Variants in FEM1A observed in about 807,000 individuals in gnomAD.
The protein encoded by FEM1A is protein fem-1 homolog A.
A neutral mutation model predicts 0.7 loss-of-function variants in FEM1A; 1 was observed. The observed-to-expected ratio is 1.35, with a 90% CI of 0.48 to 6.40. FEM1A has a LOEUF of 6.40. Ranked by LOEUF, FEM1A falls within the 30% of genes most tolerant of loss-of-function variation. The pLI, the probability that FEM1A is intolerant of heterozygous loss-of-function variation, is 0.14. For synonymous variants in FEM1A, 391 were observed against 420.6 expected (o/e 0.93, Z 0.86); for missense variants, 721 against 918.7 (o/e 0.78, Z 2.78).
At position 4,793,222 on chromosome 19, in the gene FEM1A, C is replaced by T; in HGVS notation, c.1368C>T (p.Gly456=). Residue 456 remains glycine, a synonymous_variant, in exon 1 of 1, where the codon GGC becomes GGT. Transcript: ENST00000269856. This position sits in a 1 kb window ranked among gnomAD's most constrained non-coding sequence, Gnocchi z 5.1. The part of the protein sequence containing the change: ...LQDRAAKGSL[G]TQIGFADLMG... ...ACCGGGCCGCCAAAGGCAGCCTGGGCACCCAGATCGGCTTTGCAGACCTCA... is the reference window on the plus strand; with the variant it reads ...ACCGGGCCGCCAAAGGCAGCCTGGGTACCCAGATCGGCTTTGCAGACCTCA... The T allele has an allele frequency of 2.5e-6, 4 of 1,613,460 alleles. No individual in the cohort carries two copies. The highest frequency in any genetic ancestry group is 3.4e-6 in the Non-Finnish European group (4 of 1,180,040).
chr19:4,792,116 TG>T lies in FEM1A; in HGVS notation c.265del (p.Ala89ProfsTer21). 1.3e-6 allele frequency: 2 copies of T among 1,522,578 alleles called. No homozygotes were observed. The highest frequency in any genetic ancestry group is 1.8e-6 in the Non-Finnish European group (2 of 1,141,158). 94.3% of individuals were successfully genotyped at this position (1,522,578 alleles called of 1,614,324 possible). A position where few individuals can be genotyped will look rare whatever the true frequency, so the allele number is the denominator to read the frequency against. ...GACCATCGAGGGCGCGCCGCCGCTG[TG>T]GGCCGCCTCCGCAGCCGGCCACCTG... is the stretch of plus-strand genomic sequence containing the variant. ...GETIEGAPPL[W>X]AASAAGHLDV... On this transcript the variant is annotated frameshift_variant, in exon 1 of 1. Transcript: ENST00000269856. LOFTEE classifies it low-confidence loss of function (END_TRUNC). The surrounding 1 kb of genome is among the most constrained non-coding windows in gnomAD (Gnocchi z 6.7).
Position 4,799,431 on chromosome 19 carries a change from A to C in FEM1A, c.*5567A>C, listed in dbSNP as rs2093565583. On this transcript the variant is annotated 3_prime_UTR_variant, in exon 1 of 1. Coordinates refer to ENST00000269856, the MANE Select transcript of FEM1A (RefSeq NM_018708.3). ...TCTGTCTCAAAACAAAACAAAACAA[A>C]CAAACAAACAAACAAACAAAAAACT... 1 of 154,550 alleles carries C rather than the reference A, an allele frequency of 6.5e-6. No homozygotes were observed. Among genetic ancestry groups the C allele is most frequent in the Admixed American group, 6.5e-5 (1 of 15,432 alleles). 9.6% of individuals were successfully genotyped at this position (154,550 alleles called of 1,614,324 possible).
At position 4,792,331 on chromosome 19, in the gene FEM1A, C is replaced by T. The variant is rs755495956; in HGVS notation, c.477C>T (p.Tyr159=). The change falls in exon 1 of 1, where the codon TAC becomes TAT. Residue 159 remains tyrosine, a synonymous_variant. Coordinates refer to ENST00000269856, the MANE Select transcript of FEM1A (RefSeq NM_018708.3). This position sits in a 1 kb window ranked among gnomAD's most constrained non-coding sequence, Gnocchi z 6.7. ...HGHTCLMISC[Y]KGHREIARYL... ...ACACGTGCCTCATGATCTCGTGCTA[C>T]AAGGGCCACCGTGAGATCGCCCGCT... 14 of 1,593,704 alleles carry T rather than the reference C, an allele frequency of 8.8e-6. No homozygotes were observed. The East Asian group carries it at 1.6e-4, about 18-fold the overall frequency.
rs1392237060 is a variant in FEM1A at position 4,792,874 on chromosome 19, G to C, written c.1020G>C (p.Glu340Asp). Residue 340 changes from glutamate (E) to aspartate (D), a missense_variant, in exon 1 of 1, where the codon GAG becomes GAC. Glu to Asp is a conservative substitution (Grantham distance 45). Coordinates refer to ENST00000269856, the MANE Select transcript of FEM1A (RefSeq NM_018708.3). The surrounding 1 kb of genome is among the most constrained non-coding windows in gnomAD (Gnocchi z 6.7). ...GGGGCGAGTACCTGCCCAAACCGGA[G>C]CCCCCACAGCTGGTCCTGGCCTATG... ...HQGGEYLPKP[E>D]PPQLVLAYDY... is the part of the protein sequence containing the mutation. 6.2e-7 allele frequency: 1 copy of C among 1,612,242 alleles called. No individual in the cohort carries two copies. Among genetic ancestry groups the C allele is most frequent in the Middle Eastern group, 2.2e-4 (1 of 4,528 alleles).
Position 4,792,568 on chromosome 19 carries a change from G to C in FEM1A, c.714G>C (p.Gln238His). ...TNIVEYLIQE[Q>H]PGQEQVAGGE... ...TCGTGGAGTACCTCATCCAGGAGCAGCCCGGCCAGGAGCAGGTCGCAGGGG... is the reference window on the plus strand; with the variant it reads ...TCGTGGAGTACCTCATCCAGGAGCACCCCGGCCAGGAGCAGGTCGCAGGGG... The change falls in exon 1 of 1, where the codon CAG (glutamine) becomes CAC (histidine). Residue 238 changes from glutamine (Q) to histidine (H), a missense_variant. Coordinates refer to ENST00000269856, the MANE Select transcript of FEM1A (RefSeq NM_018708.3). This position sits in a 1 kb window ranked among gnomAD's most constrained non-coding sequence, Gnocchi z 6.7. 6.2e-7 allele frequency: 1 copy of C among 1,607,216 alleles called. No homozygotes were observed. Among genetic ancestry groups the C allele is most frequent in the Non-Finnish European group, 8.5e-7 (1 of 1,179,668 alleles).
Position 4,793,049 on chromosome 19 carries a change from G to T in FEM1A, c.1195G>T (p.Val399Leu), listed in dbSNP as rs905173653. Residue 399 changes from valine (V) to leucine (L), a missense_variant, in exon 1 of 1, where the codon GTG (valine) becomes TTG (leucine). By Grantham distance (32) the Val-to-Leu change is conservative. This residue lies in a region of FEM1A where 379 missense variants were observed against 454.8 expected (regional missense o/e 0.83). Coordinates refer to ENST00000269856, the MANE Select transcript of FEM1A (RefSeq NM_018708.3). This position sits in a 1 kb window ranked among gnomAD's most constrained non-coding sequence, Gnocchi z 5.1. ...CTATTACATCCGTTACAGGGGTGCC[G>T]TGTACGCCGACTCGGGCAATTTCGA... is the stretch of plus-strand genomic sequence containing the variant. ...TSYYIRYRGA[V>L]YADSGNFERC... 2 of 1,613,440 alleles carry T rather than the reference G, an allele frequency of 1.2e-6. No individual in the cohort carries two copies. Among genetic ancestry groups the T allele is most frequent in the Non-Finnish European group, 1.7e-6 (2 of 1,180,030 alleles).
chr19:4,794,343 G>C lies in FEM1A; in HGVS notation c.*479G>C, dbSNP rs1455203418. On this transcript the variant is annotated 3_prime_UTR_variant, in exon 1 of 1. Transcript: ENST00000269856. Reference sequence around the variant, plus strand: ...CCTGAGATGAGAGTTTGAGATTCAGGGAATGAGACCACCTCTCATTTCTTC... The same window carrying C: ...CCTGAGATGAGAGTTTGAGATTCAGCGAATGAGACCACCTCTCATTTCTTC... 1 of 177,862 alleles carries C rather than the reference G, an allele frequency of 5.6e-6. No homozygotes were observed. Among genetic ancestry groups the C allele is most frequent in the East Asian group, 1.8e-4 (1 of 5,622 alleles). The allele number at this position is 177,862 out of a possible 1,614,324, so 11.0% of individuals were successfully genotyped here.
rs1191118183 is a variant in FEM1A, at chr19:4,801,122, C to T, written c.*7258C>T. ...AATTCCCTGGAGCAACCCCCTCCCT[C>T]CACCCTGTGCCTTGATATCTCCTAT... On this transcript the variant is annotated 3_prime_UTR_variant, in exon 1 of 1. Coordinates refer to ENST00000269856, the MANE Select transcript of FEM1A (RefSeq NM_018708.3). 1 of 152,162 alleles carries T rather than the reference C, an allele frequency of 6.6e-6. No individual in the cohort carries two copies. The highest frequency in any genetic ancestry group is 1.9e-4 in the East Asian group (1 of 5,184). 9.4% of individuals were successfully genotyped at this position (152,162 alleles called of 1,614,324 possible).
rs1344941703 is a variant in FEM1A, at chr19:4,791,850, G to A, written c.-5G>A. 27 of 1,500,090 alleles carry A rather than the reference G, an allele frequency of 1.8e-5. No individual in the cohort carries two copies. The highest frequency in any genetic ancestry group is 2.1e-5 in the Non-Finnish European group (24 of 1,128,802). 92.9% of individuals were successfully genotyped at this position (1,500,090 alleles called of 1,614,324 possible). A position where few individuals can be genotyped will look rare whatever the true frequency, so the allele number is the denominator to read the frequency against. The stretch of plus-strand genomic sequence containing the variant: ...CCGGCCCATGGCCTGGCGGAGGCCC[G>A]AACCATGGACCTCCGCACCGCCGTG... On this transcript the variant is annotated 5_prime_UTR_variant, in exon 1 of 1. Transcript: ENST00000269856.
rs2093558362 is a variant in FEM1A at position 4,794,229 on chromosome 19, GGAA to G, written c.*370_*372del. ...GCGTTCCTTCCCTGCTAGAAACACA[GGAA>G]GAAGTTGAGGACTGTCTGCCTTCCC... On this transcript the variant is annotated 3_prime_UTR_variant, in exon 1 of 1. Transcript: ENST00000269856. 1 of 275,274 alleles carries G rather than the reference GGAA, an allele frequency of 3.6e-6. No homozygotes were observed. Among genetic ancestry groups the G allele is most frequent in the African/African-American group, 2.2e-5 (1 of 45,236 alleles). The allele number at this position is 275,274 out of a possible 1,614,324, so 17.1% of individuals were successfully genotyped here. A position where few individuals can be genotyped will look rare whatever the true frequency, so the allele number is the denominator to read the frequency against.
At position 4,793,862 on chromosome 19, in the gene FEM1A, T is replaced by G. The variant is rs1178756507; in HGVS notation, c.2008T>G (p.Ter670GlyextTer15). Reference protein sequence around the residue: ...EDLEAFIELH* With the variant: ...EDLEAFIELHG ...TCTGGAGGCGTTCATCGAACTGCAC[T>G]GACCTGCCCAGAACGCCTGCACCCT... Residue 670 changes from the stop codon to glycine (G), a stop_lost, in exon 1 of 1, where the codon TGA (stop) becomes GGA (glycine). Coordinates refer to ENST00000269856, the MANE Select transcript of FEM1A (RefSeq NM_018708.3). This position sits in a 1 kb window ranked among gnomAD's most constrained non-coding sequence, Gnocchi z 5.1. 1.3e-6 allele frequency: 2 copies of G among 1,598,458 alleles called. No homozygotes were observed. Among genetic ancestry groups the G allele is most frequent in the African/African-American group, 2.7e-5 (2 of 74,520 alleles).
Position 4,795,915 on chromosome 19 carries a change from C to T in FEM1A, c.*2051C>T, listed in dbSNP as rs575282902. The T allele has an allele frequency of 6.6e-6, 1 of 152,190 alleles. No homozygotes were observed. The highest frequency in any genetic ancestry group is 1.9e-4 in the East Asian group (1 of 5,174). 9.4% of individuals were successfully genotyped at this position (152,190 alleles called of 1,614,324 possible). A position where few individuals can be genotyped will look rare whatever the true frequency, so the allele number is the denominator to read the frequency against. On this transcript the variant is annotated 3_prime_UTR_variant, in exon 1 of 1. Transcript: ENST00000269856. ...TTTGCCATGTTGGCCAGGCTGGTCT[C>T]AAACTCCTGAACTCAAGCGATCCTC...
rs1371082198 is a variant in FEM1A at position 4,792,594 on chromosome 19, G to A, written c.740G>A (p.Gly247Glu). The change falls in exon 1 of 1, where the codon GGA (glycine) becomes GAA (glutamate). Residue 247 changes from glycine to glutamate, a missense_variant. Gly to Glu is a moderately conservative substitution (Grantham distance 98). This residue lies in a region of FEM1A where 137 missense variants were observed against 121.7 expected (regional missense o/e 1.13). Coordinates refer to ENST00000269856, the MANE Select transcript of FEM1A (RefSeq NM_018708.3). The surrounding 1 kb of genome is among the most constrained non-coding windows in gnomAD (Gnocchi z 6.7). ...CCCGGCCAGGAGCAGGTCGCAGGGGGAGAGGCTCAGCCTGGGCTGCCCCAA... is the reference window on the plus strand; with the variant it reads ...CCCGGCCAGGAGCAGGTCGCAGGGGAAGAGGCTCAGCCTGGGCTGCCCCAA... ...EQPGQEQVAG[G>E]EAQPGLPQED... The A allele has an allele frequency of 3.1e-6, 5 of 1,610,428 alleles. No individual in the cohort carries two copies. The South Asian group carries it at 5.5e-5, about 18-fold the overall frequency.
rs2093558738 is a variant in FEM1A, at chr19:4,794,406, C to G, written c.*542C>G. On this transcript the variant is annotated 3_prime_UTR_variant, in exon 1 of 1. Coordinates refer to ENST00000269856, the MANE Select transcript of FEM1A (RefSeq NM_018708.3). ...GCCCTGCTCCCGTGCCACCGTAGTC[C>G]CTGGCAGACAGGCAGGGCTCTGCCC... 5.9e-6 allele frequency: 1 copy of G among 170,072 alleles called. No homozygotes were observed. Among genetic ancestry groups the G allele is most frequent in the South Asian group, 2.0e-4 (1 of 5,112 alleles). The allele number at this position is 170,072 out of a possible 1,614,324, so 10.5% of individuals were successfully genotyped here.
rs564927869 is a variant in FEM1A at position 4,800,232 on chromosome 19, G to A, written c.*6368G>A. ...CATCTTAAAGCTCTACCAGCTTCAGGTGAGGGCTGATCCAGCAGATCCCAG... is the reference window on the plus strand; with the variant it reads ...CATCTTAAAGCTCTACCAGCTTCAGATGAGGGCTGATCCAGCAGATCCCAG... On this transcript the variant is annotated 3_prime_UTR_variant, in exon 1 of 1. Transcript: ENST00000269856. 6.6e-6 allele frequency: 1 copy of A among 152,434 alleles called. No individual in the cohort carries two copies. Among genetic ancestry groups the A allele is most frequent in the Non-Finnish European group, 1.5e-5 (1 of 68,230 alleles). 9.4% of individuals were successfully genotyped at this position (152,434 alleles called of 1,614,324 possible).
rs2093560412 is a variant in FEM1A, at chr19:4,795,716, T to C, written c.*1852T>C. The C allele has an allele frequency of 6.5e-6, 1 of 153,414 alleles. No homozygotes were observed. The highest frequency in any genetic ancestry group is 1.5e-5 in the Non-Finnish European group (1 of 68,116). The allele number at this position is 153,414 out of a possible 1,614,324, so 9.5% of individuals were successfully genotyped here. ...ACATACTGGGGCTTTTTTTTTTTTT[T>C]TGAGACAGAGTCTCACCCTGTCCCC... On this transcript the variant is annotated 3_prime_UTR_variant, in exon 1 of 1. Coordinates refer to ENST00000269856, the MANE Select transcript of FEM1A (RefSeq NM_018708.3).
In FEM1A at chr19:4,797,199, T is replaced by C. The variant is rs2093562080; in HGVS notation, c.*3335T>C. The C allele has an allele frequency of 7.4e-6, 1 of 135,308 alleles. No homozygotes were observed. Among genetic ancestry groups the C allele is most frequent in the Admixed American group, 8.4e-5 (1 of 11,934 alleles). The allele number at this position is 135,308 out of a possible 1,614,324, so 8.4% of individuals were successfully genotyped here. A position where few individuals can be genotyped will look rare whatever the true frequency, so the allele number is the denominator to read the frequency against. On this transcript the variant is annotated 3_prime_UTR_variant, in exon 1 of 1. Coordinates refer to ENST00000269856, the MANE Select transcript of FEM1A (RefSeq NM_018708.3). The stretch of plus-strand genomic sequence containing the variant: ...TTTTTTTTTTGAGACGGAGTCTCTG[T>C]CGCTCAGGCTGGAGTGCAGTGGTGT...
rs972697373 is a variant in FEM1A, at chr19:4,793,636, G to A, written c.1782G>A (p.Pro594=). The A allele has an allele frequency of 1.2e-6, 2 of 1,612,734 alleles. No individual in the cohort carries two copies. The highest frequency in any genetic ancestry group is 1.7e-5 in the Admixed American group (1 of 59,992). Residue 594 remains proline, a synonymous_variant, in exon 1 of 1, where the codon CCG becomes CCA. Coordinates refer to ENST00000269856, the MANE Select transcript of FEM1A (RefSeq NM_018708.3). The surrounding 1 kb of genome is among the most constrained non-coding windows in gnomAD (Gnocchi z 5.1). The part of the protein sequence containing the change: ...PLHIAAQNNC[P]AIMNALIEAG... ...ACATAGCAGCCCAGAACAACTGCCC[G>A]GCCATCATGAATGCCCTGATCGAAG...
Position 4,793,868 on chromosome 19 carries a change from G to A in FEM1A, c.*4G>A, listed in dbSNP as rs1277152917. The A allele has an allele frequency of 1.3e-6, 2 of 1,591,374 alleles. No homozygotes were observed. The highest frequency in any genetic ancestry group is 1.7e-6 in the Non-Finnish European group (2 of 1,170,416). ...GGCGTTCATCGAACTGCACTGACCT[G>A]CCCAGAACGCCTGCACCCTCACCTC... On this transcript the variant is annotated 3_prime_UTR_variant, in exon 1 of 1. Transcript: ENST00000269856. This position sits in a 1 kb window ranked among gnomAD's most constrained non-coding sequence, Gnocchi z 5.1.
Sources: gnomAD v4.1 joint callset for allele counts on GRCh38, gnomAD v4.1.1 for gene constraint, gnomAD v4.1.1 regional missense constraint, Gnocchi (gnomAD v3.1) non-coding constraint, MANE v1.5 for transcripts, NCBI Gene and HGNC (gene_info 2026-07-23, HGNC 2026-07-21) for gene names.